The following CHODL variants were observed in gnomAD, a reference collection of about 807,000 sequenced individuals.
CHODL encodes the protein transmembrane protein MT75.
A neutral mutation model predicts 34.5 loss-of-function variants in CHODL; 29 were observed. That is an observed-to-expected ratio of 0.84 (90% CI 0.63 to 1.15). The LOEUF (loss-of-function observed/expected upper bound fraction) is 1.15, where lower values mean the gene tolerates loss of function less well. CHODL is among the 50% of genes most tolerant of loss of function. CHODL has a pLI of 0.00. For missense variants in CHODL, 332 were observed against 332.5 expected (o/e 1.00, Z 0.01); for synonymous variants, 125 against 116.1 (o/e 1.08, Z -0.49).
intron 2 of CHODL, among the ~76,000 whole-genome samples, chr21:18,098,115 A>G (rs143456476): frequency 5.7e-4 from 87 of 152,220 alleles, no homozygotes; most frequent in African/African-American, 2.0e-3. Context: ...AAAATACTAC[A>G]AAAAATTGAG....
intron 1 of CHODL, among the ~76,000 whole-genome samples, chr21:17,985,140 G>A (rs1424475685): frequency 6.6e-6 from 1 of 151,966 alleles, no homozygotes; most frequent in Admixed American, 6.6e-5. Context: ...TGGAGAAAAC[G>A]GATGTATCTA....
At chr21:18,105,084 T>C (rs939293200) in intron 2 of CHODL, among the ~76,000 whole-genome samples, 4 of 152,262 alleles carry the variant, frequency 2.6e-5, no homozygotes, top group Non-Finnish European at 5.9e-5. Context: ...AAAGGGTAGA[T>C]ATTTTTTCTC....
At chr21:18,107,413 G>T (rs982274) in intron 2 of CHODL, among the ~76,000 whole-genome samples, 54,260 of 152,066 alleles carry the variant, frequency 0.36, 11,455 homozygotes, top group Non-Finnish European at 0.5. Context: ...CAGCAGGGGG[G>T]AAAGGCAAAT....
rs200867947 is a variant in CHODL at position 18,019,414 on chromosome 21, TAGAG to T, written c.-144-8454_-144-8451del. On this transcript the variant is annotated intron_variant, in intron 1 of 6. Coordinates refer to the CHODL transcript ENST00000400127. ...TAAGATCTAATATTTGATAGCACAA[TAGAG>T]AGATAATATTAAAAATAATTTATTT... Among the ~76,000 whole-genome samples, 763 of 146,442 alleles carry T rather than the reference TAGAG, an allele frequency of 5.2e-3. 7 individuals are homozygous for T. Among genetic ancestry groups the T allele is most frequent in the African/African-American group, 0.02 (742 of 37,892 alleles).
At chr21:17,971,843 A>G (rs1218403699) in intron 1 of CHODL, among the ~76,000 whole-genome samples, 1 of 152,200 alleles carries the variant, frequency 6.6e-6, no homozygotes, top group Non-Finnish European at 1.5e-5. Context: ...TGGCAGAGAC[A>G]CAGCAACAAC....
intron 1 of CHODL, among the ~76,000 whole-genome samples, chr21:17,989,235 A>G (rs1259312602): frequency 6.6e-6 from 1 of 152,178 alleles, no homozygotes; most frequent in South Asian, 2.1e-4. Flanking sequence ...GGGGAAGATC[A>G]CTTACCTGCA....
chr21:17,933,068 G>A lies in CHODL; in HGVS notation c.-145+15668G>A, dbSNP rs549034376. On this transcript the variant is annotated intron_variant, in intron 1 of 6. Coordinates refer to the CHODL transcript ENST00000400127. ...CACATAAACATCTCAATGCCTTAAA[G>A]AGCAGTATTGCTGCCCGCCTGTCCC... Among the ~76,000 whole-genome samples the A allele has an allele frequency of 2.6e-5, 4 of 152,282 alleles. No individual in the cohort carries two copies. The South Asian group carries it at 8.3e-4, about 32-fold the overall frequency.
At chr21:18,078,595 T>C (rs1251641517) in intron 2 of CHODL, among the ~76,000 whole-genome samples, 2 of 152,220 alleles carry the variant, frequency 1.3e-5, no homozygotes. Flanking sequence ...TACTTAGAAC[T>C]TATTTCATTT....
chr21:18,203,274 CAT>C (rs2073675627), intron 2 of CHODL, among the ~76,000 whole-genome samples: 1 of 152,078 alleles, frequency 6.6e-6, no homozygotes, highest in Non-Finnish European at 1.5e-5. Context: ...TAGCTTTTGA[CAT>C]ATGAGGAAGA....
intron 2 of CHODL, among the ~76,000 whole-genome samples, chr21:18,081,618 T>G (rs1021776890): frequency 1.3e-5 from 2 of 151,298 alleles, no homozygotes. Flanking sequence ...GAGGCGGAGG[T>G]TGCAGTGAGC....
chr21:18,050,752 G>T (rs936918258), intron 2 of CHODL, among the ~76,000 whole-genome samples: 3 of 151,710 alleles, frequency 2.0e-5, no homozygotes, highest in African/African-American at 7.3e-5. Context: ...GTTGGGTCAT[G>T]TTGACTTTGT....
chr21:18,240,500 C>T (rs1438344582), upstream of CHODL, among the ~76,000 whole-genome samples: 1 of 152,068 alleles, frequency 6.6e-6, no homozygotes, highest in Non-Finnish European at 1.5e-5. Flanking sequence ...TACAATATCA[C>T]CCCCAATAAG....
chr21:18,070,034 C>G (rs1236068855), intron 2 of CHODL, among the ~76,000 whole-genome samples: 1 of 91,224 alleles, frequency 1.1e-5, no homozygotes. Context: ...CTCCCCCCCC[C>G]CACCCATTTC....
chr21:18,244,183 A>G (rs893575043), upstream of CHODL, among the ~76,000 whole-genome samples: 1 of 152,210 alleles, frequency 6.6e-6, no homozygotes, highest in Non-Finnish European at 1.5e-5. Context: ...CATACATTTC[A>G]TTTTACCTCC....
chr21:18,232,994 C>T, intron 2 of CHODL, among the ~76,000 whole-genome samples: 1 of 117,750 alleles, frequency 8.5e-6, no homozygotes, highest in East Asian at 2.1e-4. Context: ...ACCTATCTAT[C>T]CATCTATATA....
chr21:17,995,937 A>G (rs955540177), intron 1 of CHODL, among the ~76,000 whole-genome samples: 2 of 152,202 alleles, frequency 1.3e-5, no homozygotes, highest in Admixed American at 1.3e-4. Context: ...TCCATTTTGT[A>G]TTCTGGCTAA....
At chr21:18,228,152 C>T (rs563810179) in intron 2 of CHODL, among the ~76,000 whole-genome samples, 10 of 152,200 alleles carry the variant, frequency 6.6e-5, no homozygotes, top group African/African-American at 2.2e-4. Flanking sequence ...CAATATTTCA[C>T]ACTAAAAATT....
At chr21:18,066,950 A>C (rs1266466915) in intron 2 of CHODL, among the ~76,000 whole-genome samples, 7 of 152,132 alleles carry the variant, frequency 4.6e-5, no homozygotes, top group Non-Finnish European at 8.8e-5. Flanking sequence ...TGACACCTTG[A>C]TCTTGACCCT....
chr21:18,182,728 T>C (rs2824689), intron 2 of CHODL, among the ~76,000 whole-genome samples: 9,197 of 152,238 alleles, frequency 0.06, 830 homozygotes, highest in East Asian at 0.42. Context: ...GTAAACTGAC[T>C]CCAAAGTAAA....
Sources: gnomAD v4.1 joint callset for allele counts (sites outside exome capture counted in the v4.1 genomes callset) on GRCh38, gnomAD v4.1.1 for gene constraint, MANE v1.5 for transcripts, NCBI Gene and HGNC (gene_info 2026-07-23, HGNC 2026-07-21) for gene names.